The following RIPOR1 variants were observed in gnomAD, a reference collection of about 807,000 sequenced individuals.
RIPOR1 encodes the protein RHO family interacting cell polarization regulator 1.
In RIPOR1, 58 loss-of-function variants were observed where a neutral mutation model predicts 116.5. The observed-to-expected ratio is 0.50, with a 90% confidence interval of 0.40 to 0.62. The LOEUF (loss-of-function observed/expected upper bound fraction) is 0.62, where lower values mean the gene tolerates loss of function less well. RIPOR1 is among the 20% of genes least tolerant of loss of function. The pLI is 0.00. For missense variants in RIPOR1, 1,372 were observed against 1,586.2 expected (o/e 0.86, Z 2.29); for synonymous variants, 605 against 650.0 (o/e 0.93, Z 1.05).
At chr16:67,534,982 A>G (rs1172915441) in intron 1 of RIPOR1, among the ~76,000 whole-genome samples, 1 of 151,276 alleles carries the variant, frequency 6.6e-6, no homozygotes, top group African/African-American at 2.4e-5. Context: ...AGCTGGCACT[A>G]CAGGCGTGCA....
Position 67,537,235 on chromosome 16 carries a change from C to T in RIPOR1, c.-23-1189C>T, listed in dbSNP as rs900922303. Among the ~76,000 whole-genome samples the T allele has an allele frequency of 6.6e-6, 1 of 152,170 alleles. No homozygotes were observed. The highest frequency in any genetic ancestry group is 1.5e-5 in the Non-Finnish European group (1 of 68,028). On this transcript the variant is annotated intron_variant, in intron 1 of 21. Transcript: ENST00000042381. This position sits in a 1 kb window ranked among gnomAD's most constrained non-coding sequence, Gnocchi z 4.6. ...GCCTCAATAGCGACTCTTTAAGCCC[C>T]CTACTCTAATGTCTGATACTTCCTC... is the stretch of plus-strand genomic sequence containing the variant.
Position 67,537,640 on chromosome 16 carries a change from C to T in RIPOR1, c.-23-784C>T. The T allele has an allele frequency of 7.7e-7, 1 of 1,305,954 alleles. No homozygotes were observed. Among genetic ancestry groups the T allele is most frequent in the East Asian group, 3.1e-5 (1 of 32,626 alleles). 80.9% of individuals were successfully genotyped at this position (1,305,954 alleles called of 1,614,324 possible). ...GCTGCGAAAGCTCAGGGACTGGCCC[C>T]AGGGGAAGCAGGCCGGGTTTGGGGG... is the stretch of plus-strand genomic sequence containing the variant. On this transcript the variant is annotated intron_variant, in intron 1 of 21. Transcript: ENST00000042381. This position sits in a 1 kb window ranked among gnomAD's most constrained non-coding sequence, Gnocchi z 4.6.
rs2050622603 is a variant in RIPOR1 at position 67,530,257 on chromosome 16, G to A, written c.-24+1343G>A. 6.6e-6 allele frequency among the ~76,000 whole-genome samples: 1 copy of A among 152,164 alleles called. No homozygotes were observed. The highest frequency in any genetic ancestry group is 1.5e-5 in the Non-Finnish European group (1 of 68,006). On this transcript the variant is annotated intron_variant, in intron 1 of 21. Transcript: ENST00000042381. This position sits in a 1 kb window ranked among gnomAD's most constrained non-coding sequence, Gnocchi z 4.5. ...GGCCAGGCCCGGCCCGGGGGAGGCC[G>A]CCTGGCTCCCAGCGCGCGGCCAGGG...
At chr16:67,519,359 CAAA>C (rs1395714042) in intron 1 of RIPOR1, among the ~76,000 whole-genome samples, 1 of 151,534 alleles carries the variant, frequency 6.6e-6, no homozygotes, top group East Asian at 1.9e-4. Flanking sequence ...TCCAGGGACA[CAAA>C]GAAGTTCAGT....
In RIPOR1 at chr16:67,529,788, C is replaced by A. The variant is rs754398209; in HGVS notation, c.-24+874C>A. 3.3e-6 allele frequency: 5 copies of A among 1,535,690 alleles called. No homozygotes were observed. The South Asian group carries it at 3.6e-5, about 11-fold the overall frequency. On this transcript the variant is annotated intron_variant, in intron 1 of 21. Coordinates refer to ENST00000042381, the MANE Select transcript of RIPOR1 (RefSeq NM_024519.4). The surrounding 1 kb of genome is among the most constrained non-coding windows in gnomAD (Gnocchi z 4.1). ...CTGCGGGGCCGCGCCCTGGGCCTGC[C>A]GCATTCGGCCAACGCACAGCATCTG...
intron 1 of RIPOR1, among the ~76,000 whole-genome samples, chr16:67,533,805 T>TA (rs1491192305): frequency 1.2e-3 from 1 of 836 alleles, no homozygotes; most frequent in Non-Finnish European, 6.3e-3. Flanking sequence ...ACAAGCAGTC[T>TA]TTTTTTTTTT....
chr16:67,527,875 G>T (rs547188798), upstream of RIPOR1, among the ~76,000 whole-genome samples: 1 of 146,404 alleles, frequency 6.8e-6, no homozygotes, highest in Non-Finnish European at 1.5e-5. Context: ...AAAAAAACCC[G>T]ACCAAACAAA....
In RIPOR1 at chr16:67,546,210, C is replaced by G. The variant is rs140898958; in HGVS notation, c.3541C>G (p.Arg1181Gly). The stretch of plus-strand genomic sequence containing the variant: ...CACAGAAGCTGTGAGGGAAGCTGCC[C>G]GGCAAAGCCTACAGCAGTGTGGTGA... ...TDTEAVREAA[R>G]QSLQQCGEEG... Residue 1181 changes from arginine (R) to glycine (G), a missense_variant, in exon 21 of 22, where the codon CGG becomes GGG. Arg to Gly is a moderately radical substitution (Grantham distance 125, BLOSUM62 -2). Transcript: ENST00000042381. The G allele has an allele frequency of 4.3e-6, 7 of 1,613,960 alleles. 1 individual carries two copies. In the South Asian group the frequency reaches 7.7e-5, roughly 18 times the overall value.
intron 1 of RIPOR1, among the ~76,000 whole-genome samples, chr16:67,532,483 G>T (rs1169516938): frequency 6.6e-6 from 1 of 151,778 alleles, no homozygotes; most frequent in Non-Finnish European, 1.5e-5. Flanking sequence ...AAAAAAATTA[G>T]GTATAGTGAG....
At chr16:67,538,922 C>T (rs1028870125) in intron 3 of RIPOR1, 68 bp from the exon 4 acceptor site, 2 of 1,608,684 alleles carry the variant, frequency 1.2e-6, no homozygotes, top group African/African-American at 1.3e-5. Flanking sequence ...CCTCTCCCTG[C>T]TGTCTGCACC....
upstream of RIPOR1, among the ~76,000 whole-genome samples, chr16:67,527,549 T>C (rs1371067377): frequency 1.3e-5 from 2 of 151,850 alleles, no homozygotes; most frequent in African/African-American, 4.8e-5. Context: ...TAGAGACCAG[T>C]CTGAGCAACA....
chr16:67,535,425 G>A (rs1366747862), intron 1 of RIPOR1, among the ~76,000 whole-genome samples: 1 of 152,248 alleles, frequency 6.6e-6, no homozygotes, highest in East Asian at 1.9e-4. Flanking sequence ...GCGCAGTGCT[G>A]AGGATACTTG....
In RIPOR1 at chr16:67,541,586, G is replaced by C; in HGVS notation, c.950+8G>C. ...CCTGGAAGTCACATGGAGGTTGGTG[G>C]GGCTGAGAGGCTTGGAGGAGGGCCA... On this transcript the variant is annotated splice_region_variant and intron_variant, in intron 11 of 21. Coordinates refer to ENST00000042381, the MANE Select transcript of RIPOR1 (RefSeq NM_024519.4). This position sits in a 1 kb window ranked among gnomAD's most constrained non-coding sequence, Gnocchi z 4.6. 1 of 1,614,012 alleles carries C rather than the reference G, an allele frequency of 6.2e-7. No homozygotes were observed. Among genetic ancestry groups the C allele is most frequent in the Non-Finnish European group, 8.5e-7 (1 of 1,179,932 alleles).
chr16:67,545,470 G>C lies in RIPOR1; in HGVS notation c.3126G>C (p.Trp1042Cys). Residue 1042 changes from tryptophan (W) to cysteine (C), a missense_variant, in exon 18 of 22, where the codon TGG (tryptophan) becomes TGC (cysteine). This residue lies in a region of RIPOR1 where 1,005 missense variants were observed against 1,144.7 expected (regional missense o/e 0.88). Transcript: ENST00000042381. The surrounding 1 kb of genome is among the most constrained non-coding windows in gnomAD (Gnocchi z 4.8). ...AGCAGCTCACAGTCTTCCAGTTCTG[G>C]AGTTTTGTGGAAACCTTGGACAGCC... is the stretch of plus-strand genomic sequence containing the variant. The part of the protein sequence containing the change: ...PGEQLTVFQF[W>C]SFVETLDSPT... 6.2e-7 allele frequency: 1 copy of C among 1,614,046 alleles called. No homozygotes were observed. Among genetic ancestry groups the C allele is most frequent in the Non-Finnish European group, 8.5e-7 (1 of 1,180,026 alleles).
upstream of RIPOR1, chr16:67,528,475 A>T (rs912550700): frequency 6.6e-6 from 1 of 152,392 alleles, no homozygotes; most frequent in Non-Finnish European, 1.5e-5. Flanking sequence ...TCCACCAACC[A>T]GCCTAAGCCA....
intron 1 of RIPOR1, among the ~76,000 whole-genome samples, chr16:67,523,011 C>A (rs932128068): frequency 6.6e-6 from 1 of 152,206 alleles, no homozygotes; most frequent in African/African-American, 2.4e-5. Context: ...CTCCCTCTCT[C>A]TGAAATCATC....
At chr16:67,533,732 C>T (rs2050720583) in intron 1 of RIPOR1, among the ~76,000 whole-genome samples, 2 of 151,056 alleles carry the variant, frequency 1.3e-5, no homozygotes, top group Admixed American at 6.6e-5. Context: ...AGACACTTGG[C>T]TTTGAAAGGA....
Position 67,537,611 on chromosome 16 carries a change from C to A in RIPOR1, c.-23-813C>A, listed in dbSNP as rs766861303. 1.1e-4 allele frequency: 158 copies of A among 1,406,412 alleles called. No homozygotes were observed. Among genetic ancestry groups the A allele is most frequent in the Non-Finnish European group, 1.3e-4 (141 of 1,077,112 alleles). 87.1% of individuals were successfully genotyped at this position (1,406,412 alleles called of 1,614,324 possible). Reference sequence around the variant, plus strand: ...CCAAGAAGAGAGGTAGGACCCAGCTCGGGGCTGCGAAAGCTCAGGGACTGG... The same window carrying A: ...CCAAGAAGAGAGGTAGGACCCAGCTAGGGGCTGCGAAAGCTCAGGGACTGG... On this transcript the variant is annotated intron_variant, in intron 1 of 21. Transcript: ENST00000042381. The surrounding 1 kb of genome is among the most constrained non-coding windows in gnomAD (Gnocchi z 4.6).
chr16:67,541,855 C>A lies in RIPOR1; in HGVS notation c.1081-12C>A, dbSNP rs577978455. 3.7e-6 allele frequency: 6 copies of A among 1,611,312 alleles called. 1 individual carries two copies. In the East Asian group the frequency reaches 1.3e-4, roughly 36 times the overall value. ...TGGGGGTGGTTCTGAAATGCCCTCT[C>A]CTCTTTCTCAGAACATGCTGCGACG... is the stretch of plus-strand genomic sequence containing the variant. On this transcript the variant is annotated splice_polypyrimidine_tract_variant and intron_variant, in intron 12 of 21. Coordinates refer to ENST00000042381, the MANE Select transcript of RIPOR1 (RefSeq NM_024519.4). The surrounding 1 kb of genome is among the most constrained non-coding windows in gnomAD (Gnocchi z 4.6).
Sources: gnomAD v4.1 joint callset for allele counts (sites outside exome capture counted in the v4.1 genomes callset) on GRCh38, gnomAD v4.1.1 for gene constraint, gnomAD v4.1.1 regional missense constraint, Gnocchi (gnomAD v3.1) non-coding constraint, MANE v1.5 for transcripts, NCBI Gene and HGNC (gene_info 2026-07-23, HGNC 2026-07-21) for gene names.